AKAP13: variants seen among roughly 807,000 people sequenced by gnomAD.
AKAP13 encodes A-kinase anchoring protein 13, also known as A-kinase anchor protein 13.
In AKAP13, 80 loss-of-function variants were observed where a neutral mutation model predicts 264.5. The observed-to-expected ratio is 0.30, with a 90% CI of 0.25 to 0.36. The LOEUF (loss-of-function observed/expected upper bound fraction) is 0.36, where lower values mean the gene tolerates loss of function less well. Ranked by LOEUF, AKAP13 falls within the 10% of genes least tolerant of loss-of-function variation. The pLI, the probability that AKAP13 is intolerant of heterozygous loss-of-function variation, is 1.00. For missense variants in AKAP13, 3,712 were observed against 3,435.2 expected, an observed-to-expected ratio of 1.08 and a Z score of -2.01; for synonymous variants, 1,380 against 1,250.2, an observed-to-expected ratio of 1.10 and a Z score of -2.19.
Position 85,533,857 on chromosome 15 carries a change from T to C in AKAP13, c.455T>C (p.Leu152Ser), listed in dbSNP as rs2077310599. 1.2e-6 allele frequency: 2 copies of C among 1,605,028 alleles called. No individual in the cohort carries two copies. Among genetic ancestry groups the C allele is most frequent in the Non-Finnish European group, 1.7e-6 (2 of 1,175,120 alleles). ...AAGCTGCCCACGGAGTGGAATGTAT[T>C]GGGGACAGATCAGAGTTTGCATGGT... is the stretch of plus-strand genomic sequence containing the variant. Reference protein sequence around the residue: ...HLKLPTEWNVLGTDQSLHDAG... With the variant: ...HLKLPTEWNVSGTDQSLHDAG... The change falls in exon 4 of 37, where the codon TTG (leucine) becomes TCG (serine). Residue 152 changes from leucine (L) to serine (S), a missense_variant. By Grantham distance (145) the Leu-to-Ser change is moderately radical. Transcript: ENST00000394518.
At chr15:85,539,754 T>C (rs2077523138) in intron 4 of AKAP13, among the ~76,000 whole-genome samples, 1 of 152,162 alleles carries the variant, frequency 6.6e-6, no homozygotes, top group South Asian at 2.1e-4. Flanking sequence ...TCTCTGTGGG[T>C]AGAGGCTAAG....
rs779164834 is a variant in AKAP13, at chr15:85,682,261, T to G, written c.5156+49T>G. 1.9e-6 allele frequency: 3 copies of G among 1,572,176 alleles called. No homozygotes were observed. In the South Asian group the frequency reaches 3.4e-5, roughly 18 times the overall value. ...TTTCCAGAAATAAAATGAAGAAAAT[T>G]TAAAATCTCTTAGGCCATTTAATTA... On this transcript the variant is annotated intron_variant, in intron 15 of 36. Transcript: ENST00000394518.
chr15:85,541,647 T>G (rs1278182177), intron 4 of AKAP13, among the ~76,000 whole-genome samples: 1 of 152,242 alleles, frequency 6.6e-6, no homozygotes, highest in Non-Finnish European at 1.5e-5. Context: ...AATCCTGATC[T>G]GACTGTGGGC....
chr15:85,389,319 T>C (rs2070741142), intron 1 of AKAP13, among the ~76,000 whole-genome samples: 1 of 152,228 alleles, frequency 6.6e-6, no homozygotes, highest in Non-Finnish European at 1.5e-5. Flanking sequence ...CATGTTGTGC[T>C]TGATCCTCCT....
At chr15:85,442,491 A>C (rs1338719565) in intron 1 of AKAP13, among the ~76,000 whole-genome samples, 1 of 109,674 alleles carries the variant, frequency 9.1e-6, no homozygotes, top group East Asian at 2.4e-4. Context: ...AATATATATA[A>C]TATATATTAT....
chr15:85,494,724 G>T (rs1303264759), intron 2 of AKAP13, among the ~76,000 whole-genome samples: 1 of 152,222 alleles, frequency 6.6e-6, no homozygotes, highest in Non-Finnish European at 1.5e-5. Context: ...GTTACGAGAG[G>T]TCTGAACAGG....
chr15:85,423,062 TA>T (rs2072597171), intron 1 of AKAP13, among the ~76,000 whole-genome samples: 1 of 152,336 alleles, frequency 6.6e-6, no homozygotes, highest in African/African-American at 2.4e-5. Context: ...AAAATATTGC[TA>T]AAAAATGCTA....
chr15:85,645,787 T>TTTTTA, intron 9 of AKAP13, 31 bp from the exon 10 acceptor site: 2 of 1,546,148 alleles, frequency 1.3e-6, no homozygotes, highest in Non-Finnish European at 1.7e-6. Context: ...TTTTTTTTTT[T>TTTTTA]CAATATTGGT....
chr15:85,667,174 T>G (rs2083650881), intron 13 of AKAP13, among the ~76,000 whole-genome samples: 1 of 152,236 alleles, frequency 6.6e-6, no homozygotes, highest in Non-Finnish European at 1.5e-5. Flanking sequence ...TTTAAATTTT[T>G]ATTGCATCCT....
chr15:85,491,122 G>A (rs964237313), intron 2 of AKAP13, among the ~76,000 whole-genome samples: 7 of 152,150 alleles, frequency 4.6e-5, no homozygotes, highest in Non-Finnish European at 7.3e-5. Flanking sequence ...TCTGCATGAG[G>A]TTGGAGATTT....
intron 29 of AKAP13, among the ~76,000 whole-genome samples, chr15:85,729,197 GC>G (rs1217073205): frequency 6.6e-6 from 1 of 150,786 alleles, no homozygotes; most frequent in Non-Finnish European, 1.5e-5. Context: ...TACTTAGGAG[GC>G]TGAGGCAGGA....
intron 8 of AKAP13, among the ~76,000 whole-genome samples, chr15:85,625,352 A>G (rs922925497): frequency 1.3e-5 from 2 of 152,152 alleles, no homozygotes; most frequent in Admixed American, 6.5e-5. Context: ...ATTTTTTCCT[A>G]TCCCGTCTCC....
intron 2 of AKAP13, among the ~76,000 whole-genome samples, chr15:85,518,878 C>T (rs1036193303): frequency 1.3e-5 from 2 of 152,142 alleles, no homozygotes; most frequent in Admixed American, 1.3e-4. Flanking sequence ...TTAAAACTTA[C>T]TTGTAAAAAG....
intron 8 of AKAP13, among the ~76,000 whole-genome samples, chr15:85,621,919 A>C (rs941418355): frequency 2.0e-5 from 3 of 152,212 alleles, no homozygotes; most frequent in Non-Finnish European, 4.4e-5. Context: ...TAAATAATAA[A>C]AGATTTTCAG....
rs914242404 is a variant in AKAP13 at position 85,499,073 on chromosome 15, T to C, written c.33+13320T>C. Among the ~76,000 whole-genome samples the C allele has an allele frequency of 4.6e-5, 7 of 152,214 alleles. No individual in the cohort carries two copies. The East Asian group carries it at 5.8e-4, about 13-fold the overall frequency. ...CATCAGCAGTGGTTGCCTGTAAAGATGCATGGGAAAGTGTATATATTAAGT... is the reference window on the plus strand; with the variant it reads ...CATCAGCAGTGGTTGCCTGTAAAGACGCATGGGAAAGTGTATATATTAAGT... On this transcript the variant is annotated intron_variant, in intron 2 of 36. Transcript: ENST00000394518.
At position 85,743,581 on chromosome 15, in the gene AKAP13, C is replaced by T. The variant is rs2089220292; in HGVS notation, c.8148C>T (p.Ala2716=). The change falls in exon 36 of 37, where the codon GCC becomes GCT. Residue 2716 remains alanine (A), a synonymous_variant. Transcript: ENST00000394518. ...CCTCGCCATCTGCACCTTCCATAGC[C>T]AAATCAGGGTCATTGGACTCAGAAC... ...EPPSPSAPSI[A]KSGSLDSELS... is the part of the protein sequence containing the mutation. The T allele has an allele frequency of 1.2e-6, 2 of 1,614,082 alleles. No individual in the cohort carries two copies. The highest frequency in any genetic ancestry group is 2.7e-5 in the African/African-American group (2 of 74,924).
chr15:85,669,694 A>G (rs763547640), intron 13 of AKAP13, 28 bp from the exon 14 acceptor site: 1 of 1,488,780 alleles, frequency 6.7e-7, no homozygotes, highest in Admixed American at 1.7e-5. Flanking sequence ...TATGCTTACA[A>G]CGTGTTCTTC....
chr15:85,617,726 C>T (rs1445041785), intron 8 of AKAP13, among the ~76,000 whole-genome samples: 1 of 152,180 alleles, frequency 6.6e-6, no homozygotes, highest in East Asian at 1.9e-4. Flanking sequence ...GCGAGTTCTA[C>T]ATTCTAGCTT....
At chr15:85,427,498 A>G (rs2072847984) in intron 1 of AKAP13, among the ~76,000 whole-genome samples, 1 of 152,064 alleles carries the variant, frequency 6.6e-6, no homozygotes, top group Non-Finnish European at 1.5e-5. Flanking sequence ...CCTCTAGGCA[A>G]GTTTGTAGTT....
Sources: gnomAD v4.1 joint callset for allele counts (sites outside exome capture counted in the v4.1 genomes callset) on GRCh38, gnomAD v4.1.1 for gene constraint, MANE v1.5 for transcripts, NCBI Gene and HGNC (gene_info 2026-07-23, HGNC 2026-07-21) for gene names.